PNPLA7: variants seen among roughly 807,000 people sequenced by gnomAD.
The protein encoded by PNPLA7 is patatin-like phospholipase domain-containing protein 7.
Under a neutral mutation model 161.7 loss-of-function variants are expected in PNPLA7, and 153 were observed. That is an observed-to-expected ratio of 0.95 (90% CI 0.83 to 1.08). The LOEUF is 1.08. Ranked by LOEUF, PNPLA7 falls within the 50% of genes least tolerant of loss-of-function variation. The probability of loss-of-function intolerance (pLI) is 0.00; values close to 1 mark genes in which losing one functional copy is unlikely to be tolerated. For synonymous variants in PNPLA7, 809 were observed against 782.1 expected (o/e 1.03, Z -0.57); for missense variants, 1,739 against 1,856.6 (o/e 0.94, Z 1.16).
At chr9:137,498,620 C>T (rs1588608373) in intron 16 of PNPLA7, among the ~76,000 whole-genome samples, 1 of 152,360 alleles carries the variant, frequency 6.6e-6, no homozygotes, top group East Asian at 1.9e-4. Flanking sequence ...CCGTGAAGGG[C>T]ACCAGCAGGC....
At chr9:137,494,958 CGCCCTCACCTGTTCCAT>C in intron 19 of PNPLA7, 58 bp downstream of exon 19, 1 of 1,353,000 alleles carries the variant, frequency 7.4e-7, no homozygotes, top group East Asian at 2.3e-5. Context: ...TCACCCGCTC[CGCCCTCACCTGTTCCAT>C]GCCCTCATCC....
intron 8 of PNPLA7, among the ~76,000 whole-genome samples, chr9:137,525,698 G>A (rs1400462846): frequency 6.7e-6 from 1 of 150,016 alleles, no homozygotes; most frequent in Non-Finnish European, 1.5e-5. Context: ...GACCGCTGAA[G>A]CACAGCATCA....
At position 137,462,508 on chromosome 9, in the gene PNPLA7, C is replaced by T. The variant is rs1265912881; in HGVS notation, c.3492+177G>A. On this transcript the variant is annotated intron_variant, in intron 30 of 34. Transcript: ENST00000406427. ...TGCGGGCTGCCACAGCCTTCAGGCCCGTCCGGCCTCGTGCCTTCCTTCGCC... is the reference window on the plus strand; with the variant it reads ...TGCGGGCTGCCACAGCCTTCAGGCCTGTCCGGCCTCGTGCCTTCCTTCGCC... 48 of 1,375,148 alleles carry T rather than the reference C, an allele frequency of 3.5e-5. No individual in the cohort carries two copies. In the Admixed American group the frequency reaches 1.2e-3, roughly 34 times the overall value. The allele number at this position is 1,375,148 out of a possible 1,614,324, so 85.2% of individuals were successfully genotyped here.
rs575368337 is a variant in PNPLA7, at chr9:137,467,050, G to A, written c.3039+267C>T. Among the ~76,000 whole-genome samples, 11 of 150,114 alleles carry A rather than the reference G, an allele frequency of 7.3e-5. No homozygotes were observed. The East Asian group carries it at 1.4e-3, about 19-fold the overall frequency. ...CCACCGTCTCCATCACCTCAGACCC[G>A]GGCACAGATCAGACCACCTCCCACC... On this transcript the variant is annotated intron_variant, in intron 26 of 34. Transcript: ENST00000406427. The surrounding 1 kb of genome is among the most constrained non-coding windows in gnomAD (Gnocchi z 5.1).
intron 12 of PNPLA7, among the ~76,000 whole-genome samples, chr9:137,515,076 C>T (rs1287758566): frequency 6.6e-6 from 1 of 151,336 alleles, no homozygotes; most frequent in Non-Finnish European, 1.5e-5. Context: ...GCAGGGAGGG[C>T]GGGAAGGGCC....
In PNPLA7 at chr9:137,463,477, G is replaced by T. The variant is rs1160402905; in HGVS notation, c.3281C>A (p.Pro1094His). Reference protein sequence around the residue: ...ASMSLSGYMPPLCDPKDGHLL... With the variant: ...ASMSLSGYMPHLCDPKDGHLL... ...GTGTCCGTCCTTCGGGTCACAGAGA[G>T]GGGGCATGTAACCGGACAGGGACAT... is the stretch of plus-strand genomic sequence containing the variant. Residue 1094 changes from proline (P) to histidine (H), a missense_variant, in exon 29 of 35, where the codon CCT becomes CAT. Around this residue, in one of 6 missense-constraint regions of PNPLA7, gnomAD observed 703 missense variants for 694.6 expected, o/e 1.01. Coordinates refer to ENST00000406427, the MANE Select transcript of PNPLA7 (RefSeq NM_001098537.3). 1 of 1,594,120 alleles carries T rather than the reference G, an allele frequency of 6.3e-7. No homozygotes were observed.
At chr9:137,461,647 T>C (rs370276116) in intron 32 of PNPLA7, 27 bp from the exon 33 acceptor site, 1 of 1,558,382 alleles carries the variant, frequency 6.4e-7, no homozygotes, top group African/African-American at 1.4e-5. Context: ...GACAGCACGT[T>C]GCCTGTGGAC....
In PNPLA7 at chr9:137,488,215, C is replaced by T. The variant is rs532871609; in HGVS notation, c.2198-3479G>A. On this transcript the variant is annotated intron_variant, in intron 20 of 34. Transcript: ENST00000406427. ...CGAGCTTCGGCCCGAACGCGGCTCT[C>T]GCGGTCTGATGTCTCGTCCCGAGCT... Among the ~76,000 whole-genome samples the T allele has an allele frequency of 2.6e-5, 4 of 152,032 alleles. No individual in the cohort carries two copies. The East Asian group carries it at 7.7e-4, about 29-fold the overall frequency.
At position 137,543,808 on chromosome 9, in the gene PNPLA7, G is replaced by A. The variant is rs143375495; in HGVS notation, c.281C>T (p.Thr94Ile). ...GTTCTCCACAAGGGTGTTGGGGAGT[G>A]TGGTCACCTGCAGAGCCAAGGGAGA... Reference protein sequence around the residue: ...YGRKIMRKVTTLPNTLVENTA... With the variant: ...YGRKIMRKVTILPNTLVENTA... The change falls in exon 5 of 35, where the codon ACA becomes ATA. Residue 94 changes from threonine to isoleucine, a missense_variant. Thr to Ile is a moderately conservative substitution (Grantham distance 89). Coordinates refer to ENST00000406427, the MANE Select transcript of PNPLA7 (RefSeq NM_001098537.3). The surrounding 1 kb of genome is among the most constrained non-coding windows in gnomAD (Gnocchi z 6.9). 3.1e-4 allele frequency: 502 copies of A among 1,613,404 alleles called. No homozygotes were observed. The highest frequency in any genetic ancestry group is 4.0e-4 in the Non-Finnish European group (472 of 1,179,780).
chr9:137,497,303 C>G lies in PNPLA7; in HGVS notation c.1897G>C (p.Asp633His), dbSNP rs1005290251. The G allele has an allele frequency of 6.4e-7, 1 of 1,567,994 alleles. No individual in the cohort carries two copies. ...ATGATGTACGTGCAGTCGGACTTGT[C>G]CCCCTGCCTGCGGAAGACACAGAGG... ...EAGRAIYRQG[D>H]KSDCTYIMLS... Residue 633 changes from aspartate to histidine, a missense_variant, in exon 18 of 35, where the codon GAC (aspartate) becomes CAC (histidine). Asp to His is a moderately conservative substitution (Grantham distance 81). This residue lies in a region of PNPLA7 where 481 missense variants were observed against 450.0 expected (regional missense o/e 1.07). Transcript: ENST00000406427.
intron 20 of PNPLA7, among the ~76,000 whole-genome samples, chr9:137,484,971 G>T (rs1349795203): frequency 1.3e-5 from 2 of 151,964 alleles, no homozygotes; most frequent in African/African-American, 4.8e-5. Context: ...CGCCTCCCCA[G>T]CCCTCAGGGG....
intron 25 of PNPLA7, among the ~76,000 whole-genome samples, chr9:137,471,339 G>A (rs1831692596): frequency 3.3e-5 from 5 of 152,082 alleles, no homozygotes; most frequent in Admixed American, 2.6e-4. Context: ...AGTGGCTCAC[G>A]CCTGTAATCC....
intron 12 of PNPLA7, among the ~76,000 whole-genome samples, chr9:137,506,814 G>A (rs539492737): frequency 6.6e-6 from 1 of 152,242 alleles, no homozygotes; most frequent in Non-Finnish European, 1.5e-5. Flanking sequence ...TTTGCACGAC[G>A]GGGTCACGCA....
chr9:137,474,936 G>T (rs1022352616), intron 25 of PNPLA7, among the ~76,000 whole-genome samples: 10 of 148,500 alleles, frequency 6.7e-5, no homozygotes, highest in Non-Finnish European at 1.3e-4. Flanking sequence ...CAGGAGAATG[G>T]CGTGAACCTG....
Position 137,467,582 on chromosome 9 carries a change from C to A in PNPLA7, c.2883-109G>T. The A allele has an allele frequency of 7.2e-7, 1 of 1,395,750 alleles. No individual in the cohort carries two copies. Among genetic ancestry groups the A allele is most frequent in the Non-Finnish European group, 9.7e-7 (1 of 1,031,922 alleles). 86.5% of individuals were successfully genotyped at this position (1,395,750 alleles called of 1,614,324 possible). ...CCCAACTCCTCCACAGGCAGAGACG[C>A]TGACGCAGAGAGGGACTCCAGATGC... On this transcript the variant is annotated intron_variant, in intron 25 of 34. Coordinates refer to ENST00000406427, the MANE Select transcript of PNPLA7 (RefSeq NM_001098537.3). This position sits in a 1 kb window ranked among gnomAD's most constrained non-coding sequence, Gnocchi z 5.1.
At chr9:137,517,620 AC>A (rs1834677778) in intron 11 of PNPLA7, among the ~76,000 whole-genome samples, 1 of 56,980 alleles carries the variant, frequency 1.8e-5, no homozygotes, top group Non-Finnish European at 3.7e-5. Context: ...CCCGTCACTC[AC>A]TCCACTCTGT....
rs1472401098 is a variant in PNPLA7, at chr9:137,467,516, C to T, written c.2883-43G>A. ...ACAGAGCAAGGAGTGAGTACCAGGC[C>T]CAGGCTGCGCCCTGCAGAGGCCTTG... is the stretch of plus-strand genomic sequence containing the variant. On this transcript the variant is annotated intron_variant, in intron 25 of 34. Coordinates refer to ENST00000406427, the MANE Select transcript of PNPLA7 (RefSeq NM_001098537.3). This position sits in a 1 kb window ranked among gnomAD's most constrained non-coding sequence, Gnocchi z 5.1. The T allele has an allele frequency of 4.4e-6, 7 of 1,601,222 alleles. No homozygotes were observed. The highest frequency in any genetic ancestry group is 5.1e-6 in the Non-Finnish European group (6 of 1,173,890).
At chr9:137,477,351 T>A (rs1831986943) in intron 25 of PNPLA7, among the ~76,000 whole-genome samples, 1 of 152,162 alleles carries the variant, frequency 6.6e-6, no homozygotes, top group African/African-American at 2.4e-5. Context: ...TCATTCTTTA[T>A]CAAGTATTGG....
chr9:137,549,395 G>A (rs112076851), intron 1 of PNPLA7, among the ~76,000 whole-genome samples: 136 of 152,032 alleles, frequency 8.9e-4, no homozygotes, highest in African/African-American at 3.2e-3. Flanking sequence ...GTGAAACACC[G>A]TCTCTACTGA....
Sources: gnomAD v4.1 joint callset for allele counts (sites outside exome capture counted in the v4.1 genomes callset) on GRCh38, gnomAD v4.1.1 for gene constraint, gnomAD v4.1.1 regional missense constraint, Gnocchi (gnomAD v3.1) non-coding constraint, MANE v1.5 for transcripts, NCBI Gene and HGNC (gene_info 2026-07-23, HGNC 2026-07-21) for gene names.